DACT1: variants seen among roughly 807,000 people sequenced by gnomAD.
DACT1 encodes dapper homolog 1.
DACT1 carries 19 observed loss-of-function variants against 35.3 expected under a neutral mutation model. That is an observed-to-expected ratio of 0.54 (90% CI 0.38 to 0.79). The LOEUF (loss-of-function observed/expected upper bound fraction) is 0.79. DACT1 is among the 30% of genes least tolerant of loss of function. The pLI is 0.00. For missense variants in DACT1, 1,143 were observed against 1,057.5 expected, an observed-to-expected ratio of 1.08 and a Z score of -1.12; for synonymous variants, 545 against 466.7, an observed-to-expected ratio of 1.17 and a Z score of -2.16.
chr14:58,646,827 A>T lies in DACT1; in HGVS notation c.2093A>T (p.His698Leu), dbSNP rs1399791923. Residue 698 changes from histidine (H) to leucine (L), a missense_variant, in exon 4 of 4, where the codon CAC becomes CTC. Transcript: ENST00000395153. ...EYSAECESLF[H>L]STVVDTSEDE... ...TCGGCCGAGTGCGAGTCCCTGTTCC[A>T]CTCCACCGTGGTGGACACCAGTGAG... 1 of 1,613,702 alleles carries T rather than the reference A, an allele frequency of 6.2e-7. No individual in the cohort carries two copies. The highest frequency in any genetic ancestry group is 8.5e-7 in the Non-Finnish European group (1 of 1,179,910).
At chr14:58,642,959 C>T (rs188513797) in intron 3 of DACT1, among the ~76,000 whole-genome samples, 4 of 152,306 alleles carry the variant, frequency 2.6e-5, no homozygotes, top group African/African-American at 7.2e-5. Context: ...CTACTGGATG[C>T]TCTGTATGTA....
chr14:58,640,978 A>C, intron 2 of DACT1, 110 bp downstream of exon 2: 1 of 1,207,418 alleles, frequency 8.3e-7, no homozygotes, highest in Non-Finnish European at 1.2e-6. Context: ...TTTCCAGTGC[A>C]GAGAGGATAA....
Position 58,641,615 on chromosome 14 carries a change from G to C in DACT1, c.502G>C (p.Ala168Pro). The stretch of plus-strand genomic sequence containing the variant: ...AGGGTTTTATGAGCTGAGTGATGGG[G>C]CTTCAGGATCCCTTTCCAATTCCTC... The part of the protein sequence containing the change: ...SSGFYELSDG[A>P]SGSLSNSSNS... Residue 168 changes from alanine (A) to proline (P), a missense_variant, in exon 3 of 4, where the codon GCT (alanine) becomes CCT (proline). By Grantham distance (27) the Ala-to-Pro change is conservative. Around this residue, in one of 3 missense-constraint regions of DACT1, gnomAD observed 1,054 missense variants for 958.8 expected, o/e 1.10. Transcript: ENST00000395153. 1 of 1,614,050 alleles carries C rather than the reference G, an allele frequency of 6.2e-7. No individual in the cohort carries two copies. The highest frequency in any genetic ancestry group is 2.2e-5 in the East Asian group (1 of 44,872).
chr14:58,643,041 A>C (rs924422768), intron 3 of DACT1, among the ~76,000 whole-genome samples: 2 of 152,242 alleles, frequency 1.3e-5, no homozygotes, highest in Non-Finnish European at 2.9e-5. Flanking sequence ...ATGTATTAAA[A>C]AAATGAGTCC....
intron 3 of DACT1, among the ~76,000 whole-genome samples, chr14:58,642,902 T>C (rs191525699): frequency 6.6e-6 from 1 of 152,244 alleles, no homozygotes; most frequent in African/African-American, 2.4e-5. Context: ...GAAGGAATCA[T>C]GCTATTGTAC....
chr14:58,646,629 C>T lies in DACT1; in HGVS notation c.1895C>T (p.Pro632Leu), dbSNP rs1165957950. Residue 632 changes from proline (P) to leucine (L), a missense_variant, in exon 4 of 4, where the codon CCT becomes CTT. This residue lies in a region of DACT1 where 1,054 missense variants were observed against 958.8 expected (regional missense o/e 1.10). Transcript: ENST00000395153. ...GHGREAVVAK[P>L]KHKRTDYRRW... Reference sequence around the variant, plus strand: ...GGACGGGAGGCGGTGGTGGCCAAACCTAAGCACAAGCGAACTGACTACCGG... The same window carrying T: ...GGACGGGAGGCGGTGGTGGCCAAACTTAAGCACAAGCGAACTGACTACCGG... 6.2e-7 allele frequency: 1 copy of T among 1,610,454 alleles called. No individual in the cohort carries two copies. Among genetic ancestry groups the T allele is most frequent in the Admixed American group, 1.7e-5 (1 of 59,766 alleles).
intron 2 of DACT1, 144 bp from the exon 3 acceptor site, chr14:58,641,448 G>A (rs1013422152): frequency 1.2e-6 from 1 of 832,062 alleles, no homozygotes; most frequent in African/African-American, 1.7e-5. Context: ...ATAAGATTAG[G>A]ACACCAAAGT....
At chr14:58,641,514 T>C (rs956642389) in intron 2 of DACT1, 78 bp from the exon 3 acceptor site, 2 of 1,455,934 alleles carry the variant, frequency 1.4e-6, no homozygotes, top group African/African-American at 2.8e-5. Flanking sequence ...TCCTAAATGA[T>C]TATTCATTTT....
At position 58,638,467 on chromosome 14, in the gene DACT1, C is replaced by T; in HGVS notation, c.265C>T (p.Leu89=). ...AGAAAPRAGE[L]LGEAAQRSRL... ...AGCCGCTGCGCCCCGCGCTGGGGAG[C>T]TACTGGGGGAGGCGGCGCAGCGCAG... Residue 89 remains leucine, a synonymous_variant, in exon 1 of 4, where the codon CTA becomes TTA. Coordinates refer to ENST00000395153, the MANE Select transcript of DACT1 (RefSeq NM_001079520.2). The T allele has an allele frequency of 2.9e-6, 4 of 1,359,440 alleles. No homozygotes were observed. The highest frequency in any genetic ancestry group is 5.6e-5 in the East Asian group (2 of 35,966). The allele number at this position is 1,359,440 out of a possible 1,614,324, so 84.2% of individuals were successfully genotyped here. A position where few individuals can be genotyped will look rare whatever the true frequency, so the allele number is the denominator to read the frequency against.
In DACT1 at chr14:58,638,499, G is replaced by A; in HGVS notation, c.297G>A (p.Leu99=). 7.4e-7 allele frequency: 1 copy of A among 1,359,242 alleles called. No individual in the cohort carries two copies. Among genetic ancestry groups the A allele is most frequent in the East Asian group, 2.8e-5 (1 of 36,000 alleles). 84.2% of individuals were successfully genotyped at this position (1,359,242 alleles called of 1,614,324 possible). Residue 99 remains leucine (L), a synonymous_variant, in exon 1 of 4, where the codon CTG becomes CTA. Coordinates refer to ENST00000395153, the MANE Select transcript of DACT1 (RefSeq NM_001079520.2). ...GGGAGGCGGCGCAGCGCAGTCGCCT[G>A]GAGGAGAAGTTCTTGGAGGAGAACA... ...LLGEAAQRSR[L]EEKFLEENIL...
At position 58,638,554 on chromosome 14, in the gene DACT1, C is replaced by A; in HGVS notation, c.345+7C>A. The A allele has an allele frequency of 1.5e-6, 2 of 1,335,368 alleles. No individual in the cohort carries two copies. Among genetic ancestry groups the A allele is most frequent in the South Asian group, 5.4e-5 (2 of 37,330 alleles). 82.7% of individuals were successfully genotyped at this position (1,335,368 alleles called of 1,614,324 possible). ...GCTGCTAAGAAAGCAATTGGTAGGT[C>A]GTGCCCGAAGGTGGAGCACGGCTGT... On this transcript the variant is annotated splice_region_variant and intron_variant, in intron 1 of 3. Coordinates refer to ENST00000395153, the MANE Select transcript of DACT1 (RefSeq NM_001079520.2).
At chr14:58,638,709 C>A in intron 1 of DACT1, 162 bp downstream of exon 1, 1 of 1,189,120 alleles carries the variant, frequency 8.4e-7, no homozygotes, top group South Asian at 4.4e-5. Flanking sequence ...TTCCTGAGTG[C>A]CCGCGGCGTG....
In DACT1 at chr14:58,638,289, G is replaced by A; in HGVS notation, c.87G>A (p.Gly29=). The stretch of plus-strand genomic sequence containing the variant: ...AGCAGCGCACGGCGGAGCCCGAGGG[G>A]CGCTGGCGGGAGAAGGGCGAGGCAG... The part of the protein sequence containing the change: ...RGEQRTAEPE[G]RWREKGEADT... The change falls in exon 1 of 4, where the codon GGG becomes GGA. Residue 29 remains glycine (G), a synonymous_variant. Coordinates refer to ENST00000395153, the MANE Select transcript of DACT1 (RefSeq NM_001079520.2). 1 of 1,348,842 alleles carries A rather than the reference G, an allele frequency of 7.4e-7. No individual in the cohort carries two copies. The highest frequency in any genetic ancestry group is 9.5e-7 in the Non-Finnish European group (1 of 1,054,092). The allele number at this position is 1,348,842 out of a possible 1,614,324, so 83.6% of individuals were successfully genotyped here. A position where few individuals can be genotyped will look rare whatever the true frequency, so the allele number is the denominator to read the frequency against.
intron 3 of DACT1, among the ~76,000 whole-genome samples, chr14:58,642,344 G>A (rs1474981360): frequency 6.6e-6 from 1 of 152,070 alleles, no homozygotes; most frequent in Non-Finnish European, 1.5e-5. Flanking sequence ...AAAATTAGCC[G>A]GGCATGGTGG....
chr14:58,634,902 A>G (rs765096063), upstream of DACT1, among the ~76,000 whole-genome samples: 5 of 152,246 alleles, frequency 3.3e-5, no homozygotes, highest in Non-Finnish European at 4.4e-5. Context: ...ATCTTCAAGC[A>G]TAAGTTAACA....
In DACT1 at chr14:58,646,412, G is replaced by C. The variant is rs373536309; in HGVS notation, c.1678G>C (p.Gly560Arg). 1.2e-6 allele frequency: 2 copies of C among 1,600,706 alleles called. No individual in the cohort carries two copies. The highest frequency in any genetic ancestry group is 1.7e-6 in the Non-Finnish European group (2 of 1,176,360). Residue 560 changes from glycine to arginine, a missense_variant, in exon 4 of 4, where the codon GGC becomes CGC. Gly to Arg is a moderately radical substitution (Grantham distance 125). Coordinates refer to ENST00000395153, the MANE Select transcript of DACT1 (RefSeq NM_001079520.2). ...RGPALQGLEN[G>R]LPTVREKTRA... ...CCCAGCCCTCCAGGGGCTGGAGAAC[G>C]GCTTGCCCACCGTCAGGGAGAAAAC...
intron 3 of DACT1, 136 bp from the exon 4 acceptor site, chr14:58,645,231 CAG>C (rs1421240015): frequency 6.3e-7 from 1 of 1,583,374 alleles, no homozygotes; most frequent in South Asian, 1.1e-5. Flanking sequence ...TTCATTTCTT[CAG>C]AGTGTACCTT....
chr14:58,641,519 C>T (rs544184336), intron 2 of DACT1, 73 bp from the exon 3 acceptor site: 3 of 1,481,482 alleles, frequency 2.0e-6, no homozygotes, highest in African/African-American at 2.8e-5. Flanking sequence ...AATGATTATT[C>T]ATTTTCCTGT....
intron 3 of DACT1, among the ~76,000 whole-genome samples, chr14:58,643,757 A>T (rs1467730417): frequency 6.6e-6 from 1 of 152,140 alleles, no homozygotes; most frequent in Non-Finnish European, 1.5e-5. Context: ...GGGAAAAGGG[A>T]TGAATAGTGA....
Sources: allele counts gnomAD v4.1 joint callset (sites outside exome capture counted in the v4.1 genomes callset), GRCh38; gene constraint gnomAD v4.1.1; regional missense constraint gnomAD v4.1.1; transcripts MANE v1.5; gene names NCBI Gene and HGNC (gene_info 2026-07-23, HGNC 2026-07-21).